ABCC9: variants seen among roughly 807,000 people sequenced by gnomAD.
ABCC9 encodes the protein ATP binding cassette subfamily C member 9.
A neutral mutation model predicts 188.3 loss-of-function variants in ABCC9; 95 were observed. That is an observed-to-expected ratio of 0.50 (90% confidence interval 0.43 to 0.60). The LOEUF (loss-of-function observed/expected upper bound fraction) is 0.60. Among genes scored for constraint, ABCC9 ranks in the 20% least tolerant of loss-of-function variants. The pLI is 0.00. For missense variants in ABCC9, 1,102 were observed against 1,876.3 expected (o/e 0.59, Z 7.62); for synonymous variants, 659 against 652.7 (o/e 1.01, Z -0.15).
intron 30 of ABCC9, among the ~76,000 whole-genome samples, chr12:21,830,496 C>G (rs895971944): frequency 2.6e-5 from 4 of 152,128 alleles, no homozygotes. Context: ...TAAAACACTT[C>G]CCCCACTCAC....
At chr12:21,939,814 C>T (rs1301689365) in intron 2 of ABCC9, among the ~76,000 whole-genome samples, 3 of 152,188 alleles carry the variant, frequency 2.0e-5, no homozygotes, top group Admixed American at 1.3e-4. Flanking sequence ...TAACGTATGT[C>T]TATGGAGCAG....
intron 31 of ABCC9, chr12:21,828,620 G>T (rs1943531907): frequency 2.9e-6 from 1 of 341,116 alleles, no homozygotes; most frequent in African/African-American, 2.1e-5. Context: ...CCAACTCAGT[G>T]AAGGAAATGA....
intron 31 of ABCC9, chr12:21,827,254 A>G (rs1358305701): frequency 2.0e-6 from 2 of 985,204 alleles, no homozygotes; most frequent in Admixed American, 6.2e-5. Flanking sequence ...AGAACAGAGC[A>G]TATGGTTTGC....
At chr12:21,812,890 G>A (rs1942355019) in intron 35 of ABCC9, among the ~76,000 whole-genome samples, 1 of 151,978 alleles carries the variant, frequency 6.6e-6, no homozygotes, top group Non-Finnish European at 1.5e-5. Flanking sequence ...CATATTTGGT[G>A]GTGATTTTTC....
At chr12:21,903,383 C>T (rs903866096) in intron 12 of ABCC9, among the ~76,000 whole-genome samples, 1 of 152,114 alleles carries the variant, frequency 6.6e-6, no homozygotes, top group African/African-American at 2.4e-5. Context: ...ACAGGGATGC[C>T]CTCTCTCATC....
intron 2 of ABCC9, among the ~76,000 whole-genome samples, chr12:21,939,828 A>G (rs1307251406): frequency 6.6e-6 from 1 of 152,256 alleles, no homozygotes; most frequent in Non-Finnish European, 1.5e-5. Flanking sequence ...GGAGCAGAAA[A>G]CATAAAATAG....
intron 2 of ABCC9, among the ~76,000 whole-genome samples, chr12:21,937,649 C>T (rs1949541743): frequency 6.6e-6 from 1 of 152,166 alleles, no homozygotes; most frequent in Non-Finnish European, 1.5e-5. Context: ...CTTTGACATT[C>T]TGAAAACTTA....
intron 5 of ABCC9, among the ~76,000 whole-genome samples, chr12:21,922,751 C>CT (rs143763191): frequency 0.32 from 37,631 of 119,028 alleles, 7,546 homozygotes; most frequent in African/African-American, 0.59. Flanking sequence ...TTTTTTTTTT[C>CT]TTTTTTTTTT....
intron 24 of ABCC9, among the ~76,000 whole-genome samples, chr12:21,849,254 G>A (rs544224353): frequency 1.3e-5 from 2 of 152,250 alleles, no homozygotes; most frequent in East Asian, 3.9e-4. Context: ...TCGCTAGGTA[G>A]TGACCTTGGT....
chr12:21,900,878 C>T (rs764253053), intron 12 of ABCC9, among the ~76,000 whole-genome samples: 1 of 152,210 alleles, frequency 6.6e-6, no homozygotes, highest in South Asian at 2.1e-4. Context: ...AGAAAACACT[C>T]TGCAGGATAT....
intron 39 of ABCC9, among the ~76,000 whole-genome samples, chr12:21,802,698 G>A (rs555146385): frequency 6.6e-6 from 1 of 152,266 alleles, no homozygotes; most frequent in African/African-American, 2.4e-5. Context: ...CAAAATATTA[G>A]TGTGCTGATG....
At chr12:21,900,270 A>T (rs953885975) in intron 12 of ABCC9, among the ~76,000 whole-genome samples, 2 of 152,242 alleles carry the variant, frequency 1.3e-5, no homozygotes, top group East Asian at 3.9e-4. Context: ...AAGGAAAAGT[A>T]ACAAACAGAA....
chr12:21,929,812 T>G (rs989890355), intron 4 of ABCC9, among the ~76,000 whole-genome samples: 3 of 152,186 alleles, frequency 2.0e-5, no homozygotes, highest in Non-Finnish European at 4.4e-5. Flanking sequence ...ATTGGTTTTG[T>G]ACTGGGTATT....
chr12:21,834,656 T>C (rs1420273117), intron 30 of ABCC9, among the ~76,000 whole-genome samples: 1 of 152,100 alleles, frequency 6.6e-6, no homozygotes, highest in Non-Finnish European at 1.5e-5. Context: ...CATTTGGTAC[T>C]TGTGGTCAGG....
At chr12:21,833,660 A>G (rs1180504638) in intron 30 of ABCC9, among the ~76,000 whole-genome samples, 1 of 152,132 alleles carries the variant, frequency 6.6e-6, no homozygotes, top group Non-Finnish European at 1.5e-5. Flanking sequence ...AGGCTGTTAT[A>G]TGTTGAACTC....
intron 35 of ABCC9, among the ~76,000 whole-genome samples, chr12:21,813,573 A>G (rs1445641101): frequency 5.9e-5 from 9 of 152,190 alleles, no homozygotes; most frequent in Non-Finnish European, 1.3e-4. Flanking sequence ...GGCTAACCTA[A>G]CATGATCAGT....
In ABCC9 at chr12:21,814,648, A is replaced by C. The variant is rs756560119; in HGVS notation, c.4098T>G (p.Phe1366Leu). Residue 1366 changes from phenylalanine to leucine, a missense_variant, in exon 35 of 40, where the codon TTT becomes TTG. Phe to Leu is a conservative substitution (Grantham distance 22). Coordinates refer to ENST00000261200, the MANE Select transcript of ABCC9 (RefSeq NM_020297.4). ...SLAFFRMVDI[F>L]DGKIVIDGID... ...AAAATTTAGTTAGCAACTCACCATC[A>C]AATATATCAACCATTCTGAAGAAAG... is the stretch of plus-strand genomic sequence containing the variant. 6.2e-7 allele frequency: 1 copy of C among 1,613,920 alleles called. No individual in the cohort carries two copies. Among genetic ancestry groups the C allele is most frequent in the Non-Finnish European group, 8.5e-7 (1 of 1,179,884 alleles).
intron 26 of ABCC9, 115 bp from the exon 27 acceptor site, chr12:21,845,030 T>C: frequency 7.5e-7 from 1 of 1,332,534 alleles, no homozygotes. Context: ...TTTGCATGCA[T>C]TTAGACGGTT....
chr12:21,937,700 G>T (rs989100211), intron 2 of ABCC9, among the ~76,000 whole-genome samples: 10 of 152,178 alleles, frequency 6.6e-5, no homozygotes, highest in Non-Finnish European at 1.5e-5. Context: ...TGGGCACTTT[G>T]CATATCTTAA....
Sources: allele counts gnomAD v4.1 joint callset (sites outside exome capture counted in the v4.1 genomes callset), GRCh38; gene constraint gnomAD v4.1.1; transcripts MANE v1.5; gene names NCBI Gene and HGNC (gene_info 2026-07-23, HGNC 2026-07-21).